Variants in SLC41A3 observed in about 807,000 individuals in gnomAD.
SLC41A3 encodes SLC41A1-like 2.
SLC41A3 carries 44 observed loss-of-function variants against 45.4 expected under a neutral mutation model. The observed-to-expected ratio is 0.97, with a 90% CI of 0.76 to 1.25. SLC41A3 has a LOEUF of 1.25. SLC41A3 is among the 50% of genes most tolerant of loss of function. SLC41A3 has a pLI of 0.00. For synonymous variants in SLC41A3, 256 were observed against 252.4 expected (o/e 1.01, Z -0.13); for missense variants, 550 against 600.6 (o/e 0.92, Z 0.88).
At chr3:126,010,104 T>C (rs1452589304) in intron 9 of SLC41A3, among the ~76,000 whole-genome samples, 1 of 152,256 alleles carries the variant, frequency 6.6e-6, no homozygotes, top group South Asian at 2.1e-4. Context: ...CCTTTTTCTC[T>C]TTCTTTCTTT....
At chr3:126,076,713 C>G (rs1395215238) in intron 1 of SLC41A3, among the ~76,000 whole-genome samples, 1 of 152,198 alleles carries the variant, frequency 6.6e-6, no homozygotes, top group Non-Finnish European at 1.5e-5. Context: ...TGATACTAGC[C>G]TCACTCTGGG....
intron 1 of SLC41A3, chr3:126,073,368 G>A (rs1352353573): frequency 6.6e-6 from 1 of 152,190 alleles, no homozygotes; most frequent in African/African-American, 2.4e-5. Context: ...GTGGGAGGCG[G>A]AGGTTGCAGT....
At chr3:126,036,068 T>G (rs1942166181) in intron 3 of SLC41A3, among the ~76,000 whole-genome samples, 2 of 152,236 alleles carry the variant, frequency 1.3e-5, no homozygotes, top group Non-Finnish European at 2.9e-5. Flanking sequence ...CATTTAAGAT[T>G]TCATTGAATT....
chr3:126,085,500 T>C (rs1945360518), upstream of SLC41A3: 1 of 152,242 alleles, frequency 6.6e-6, no homozygotes, highest in South Asian at 2.1e-4. Flanking sequence ...TCTCCCCCGA[T>C]GGAACTGGTT....
intron 3 of SLC41A3, among the ~76,000 whole-genome samples, chr3:126,035,429 C>T (rs1004478559): frequency 6.6e-6 from 1 of 152,188 alleles, no homozygotes; most frequent in Non-Finnish European, 1.5e-5. Flanking sequence ...GCCACAGGAG[C>T]TGCGGGTTTG....
At chr3:126,053,676 A>G (rs771055545) in intron 2 of SLC41A3, among the ~76,000 whole-genome samples, 11 of 152,178 alleles carry the variant, frequency 7.2e-5, no homozygotes, top group Non-Finnish European at 1.6e-4. Context: ...ACCTGCAGCC[A>G]ATAGCAAATA....
At chr3:126,096,280 C>A (rs897780625) in intron 1 of SLC41A3, among the ~76,000 whole-genome samples, 1 of 152,150 alleles carries the variant, frequency 6.6e-6, no homozygotes, top group Non-Finnish European at 1.5e-5. Flanking sequence ...GTATAGTCTG[C>A]AGATGCGGAT....
At chr3:126,057,714 C>G (rs1022703403) in intron 2 of SLC41A3, among the ~76,000 whole-genome samples, 28 of 152,218 alleles carry the variant, frequency 1.8e-4, no homozygotes, top group Non-Finnish European at 3.1e-4. Flanking sequence ...CAACCGAACT[C>G]CAGACGAATT....
At chr3:126,067,249 A>G (rs1023382385) in intron 2 of SLC41A3, among the ~76,000 whole-genome samples, 1 of 152,214 alleles carries the variant, frequency 6.6e-6, no homozygotes, top group African/African-American at 2.4e-5. Context: ...ATTTATGTCA[A>G]GATGATTCAC....
intron 1 of SLC41A3, among the ~76,000 whole-genome samples, chr3:126,068,925 GAAGT>G (rs1469866202): frequency 6.6e-6 from 1 of 152,142 alleles, no homozygotes; most frequent in Non-Finnish European, 1.5e-5. Context: ...TGCCCTGGGA[GAAGT>G]TAGTAGAAAA....
At chr3:126,012,899 T>A in intron 8 of SLC41A3, 150 bp from the exon 9 acceptor site, 2 of 1,273,108 alleles carry the variant, frequency 1.6e-6, no homozygotes, top group Non-Finnish European at 2.1e-6. Flanking sequence ...ACCACAGATC[T>A]TGTTTGGCAG....
At chr3:126,068,719 G>C (rs1250710378) in intron 1 of SLC41A3, among the ~76,000 whole-genome samples, 3 of 152,148 alleles carry the variant, frequency 2.0e-5, no homozygotes, top group African/African-American at 7.2e-5. Context: ...CTCCAGCTCT[G>C]CCCTAGCCTT....
In SLC41A3 at chr3:126,084,107, G is replaced by C. The variant is rs1489617517; in HGVS notation, c.-42C>G. On this transcript the variant is annotated 5_prime_UTR_variant, in exon 1 of 11. Coordinates refer to ENST00000360370, the MANE Select transcript of SLC41A3 (RefSeq NM_017836.4). ...GCCGCGCTTACCGGGTCCCCTCCCAGGCGGCGGCGGGAAAGAGGCGGGCGG... is the reference window on the plus strand; with the variant it reads ...GCCGCGCTTACCGGGTCCCCTCCCACGCGGCGGCGGGAAAGAGGCGGGCGG... The C allele has an allele frequency of 6.6e-6, 1 of 152,440 alleles. No individual in the cohort carries two copies. The allele number at this position is 152,440 out of a possible 1,614,324, so 9.4% of individuals were successfully genotyped here. A position where few individuals can be genotyped will look rare whatever the true frequency, so the allele number is the denominator to read the frequency against.
At chr3:126,008,104 C>T (rs1293045743) in intron 10 of SLC41A3, among the ~76,000 whole-genome samples, 1 of 152,244 alleles carries the variant, frequency 6.6e-6, no homozygotes, top group Admixed American at 6.5e-5. Flanking sequence ...CAGCCTGTTC[C>T]GTGGGAACAT....
intron 1 of SLC41A3, among the ~76,000 whole-genome samples, chr3:126,072,427 A>G (rs1181388771): frequency 6.6e-6 from 1 of 152,108 alleles, no homozygotes. Context: ...GAGATCGACA[A>G]AACTGACAAT....
At chr3:126,037,193 C>T (rs991686497) in intron 3 of SLC41A3, among the ~76,000 whole-genome samples, 12 of 152,322 alleles carry the variant, frequency 7.9e-5, no homozygotes, top group African/African-American at 2.9e-4. Flanking sequence ...TCCTTCCCTT[C>T]TCCTGCTCCC....
chr3:126,087,109 G>A (rs1384205482), upstream of SLC41A3, among the ~76,000 whole-genome samples: 2 of 152,114 alleles, frequency 1.3e-5, no homozygotes, highest in African/African-American at 4.8e-5. Context: ...ATTAGCCATA[G>A]GGTTATAAAA....
intron 1 of SLC41A3, among the ~76,000 whole-genome samples, chr3:126,071,812 C>T (rs930366113): frequency 6.6e-6 from 1 of 151,110 alleles, no homozygotes; most frequent in African/African-American, 2.4e-5. Flanking sequence ...ATTCTGGCAC[C>T]CAGGCTGGAG....
chr3:126,019,581 A>G (rs985841820), intron 6 of SLC41A3, among the ~76,000 whole-genome samples: 1 of 152,198 alleles, frequency 6.6e-6, no homozygotes. Context: ...CTAAGATACA[A>G]TGGTGGTACA....
Sources: allele counts gnomAD v4.1 joint callset (sites outside exome capture counted in the v4.1 genomes callset), GRCh38; gene constraint gnomAD v4.1.1; transcripts MANE v1.5; gene names NCBI Gene and HGNC (gene_info 2026-07-23, HGNC 2026-07-21).